CAMTA1: variants seen among roughly 807,000 people sequenced by gnomAD.
CAMTA1 encodes calmodulin-binding transcription activator 1.
A neutral mutation model predicts 170.9 loss-of-function variants in CAMTA1; 27 were observed. The observed-to-expected ratio is 0.16, with a 90% CI of 0.12 to 0.22. CAMTA1 has a LOEUF of 0.22. CAMTA1 is among the 10% of genes least tolerant of loss of function. CAMTA1 has a pLI of 1.00. For missense variants in CAMTA1, 1,619 were observed against 2,217.2 expected, an observed-to-expected ratio of 0.73 and a Z score of 5.42; for synonymous variants, 833 against 891.5, an observed-to-expected ratio of 0.93 and a Z score of 1.17.
At chr1:7,043,889 A>G (rs1246325411) in intron 3 of CAMTA1, among the ~76,000 whole-genome samples, 1 of 152,182 alleles carries the variant, frequency 6.6e-6, no homozygotes, top group Admixed American at 6.5e-5. Context: ...CGGAACACAG[A>G]GAAATTAGAG....
In CAMTA1 at chr1:7,248,515, T is replaced by C. The variant is rs1558306062; in HGVS notation, c.303-976T>C. On this transcript the variant is annotated intron_variant, in intron 4 of 22. Coordinates refer to ENST00000303635, the MANE Select transcript of CAMTA1 (RefSeq NM_015215.4). This position sits in a 1 kb window ranked among gnomAD's most constrained non-coding sequence, Gnocchi z 4.0. ...CAGCACTGCGTGGGGTGCTGCTAGA[T>C]TTTGGGGGAGTCTTCCTTGACGTTG... is the stretch of plus-strand genomic sequence containing the variant. Among the ~76,000 whole-genome samples, 1 of 152,146 alleles carries C rather than the reference T, an allele frequency of 6.6e-6. No homozygotes were observed.
intron 5 of CAMTA1, among the ~76,000 whole-genome samples, chr1:7,283,037 A>T (rs1354102193): frequency 2.0e-5 from 3 of 151,652 alleles, no homozygotes; most frequent in Non-Finnish European, 4.4e-5. Flanking sequence ...TTCAATGATA[A>T]GGAACAAGTT....
At chr1:6,987,493 G>A (rs186111083) in intron 3 of CAMTA1, among the ~76,000 whole-genome samples, 1 of 152,286 alleles carries the variant, frequency 6.6e-6, no homozygotes, top group East Asian at 1.9e-4. Flanking sequence ...TCTGGGTGGG[G>A]CTCTGGCATT....
intron 4 of CAMTA1, among the ~76,000 whole-genome samples, chr1:7,217,002 T>A (rs1659858662): frequency 6.6e-6 from 1 of 152,254 alleles, no homozygotes. Context: ...TTGCCTCATA[T>A]GTCTTTGCCA....
rs548676250 is a variant in CAMTA1, at chr1:6,857,504, T to C, written c.234+32294T>C. ...TGCAGTGAAAGTGAAGAGGTGGAGA[T>C]AGTTGCTACAGACTACTGCAGTTCT... On this transcript the variant is annotated intron_variant, in intron 3 of 22. Transcript: ENST00000303635. Among the ~76,000 whole-genome samples the C allele has an allele frequency of 6.6e-5, 10 of 152,110 alleles. 1 individual carries two copies. The South Asian group carries it at 2.1e-3, about 32-fold the overall frequency.
intron 6 of CAMTA1, among the ~76,000 whole-genome samples, chr1:7,529,842 G>T (rs894393292): frequency 6.6e-6 from 1 of 152,186 alleles, no homozygotes; most frequent in Non-Finnish European, 1.5e-5. Flanking sequence ...GATAAATGGC[G>T]ACCATGACCA....
chr1:6,813,743 TC>T (rs766750700), intron 1 of CAMTA1, among the ~76,000 whole-genome samples: 1 of 152,076 alleles, frequency 6.6e-6, no homozygotes, highest in South Asian at 2.1e-4. Context: ...CGCCTCAGCC[TC>T]CCAGGTAGCT....
chr1:7,088,746 A>G (rs1391233367), intron 3 of CAMTA1, among the ~76,000 whole-genome samples: 1 of 152,168 alleles, frequency 6.6e-6, no homozygotes, highest in Non-Finnish European at 1.5e-5. Flanking sequence ...TTCTCTCAGC[A>G]TGGTCCTGAG....
intron 6 of CAMTA1, among the ~76,000 whole-genome samples, chr1:7,551,275 G>T (rs1441592421): frequency 6.7e-6 from 1 of 148,416 alleles, no homozygotes; most frequent in Non-Finnish European, 1.5e-5. Context: ...GAGCTGCAGG[G>T]CCAAAGGACA....
At chr1:7,369,800 C>T (rs764580371) in intron 5 of CAMTA1, among the ~76,000 whole-genome samples, 5 of 152,186 alleles carry the variant, frequency 3.3e-5, no homozygotes, top group African/African-American at 9.7e-5. Context: ...GTTAGACTCT[C>T]GAGCATGGCC....
intron 22 of CAMTA1, among the ~76,000 whole-genome samples, chr1:7,760,602 G>C (rs1195580754): frequency 6.6e-6 from 1 of 152,176 alleles, no homozygotes; most frequent in Non-Finnish European, 1.5e-5. Context: ...GCCTCTTTTA[G>C]GAAATGAATA....
chr1:7,577,470 G>A (rs1352797086), intron 6 of CAMTA1, among the ~76,000 whole-genome samples: 1 of 152,106 alleles, frequency 6.6e-6, no homozygotes, highest in Non-Finnish European at 1.5e-5. Flanking sequence ...AATTTCACAG[G>A]CTCTGACCAT....
intron 3 of CAMTA1, chr1:6,834,725 C>T (rs1361902729): frequency 6.5e-6 from 1 of 154,004 alleles, no homozygotes; most frequent in Non-Finnish European, 1.4e-5. Flanking sequence ...GCAGCCTCGA[C>T]CTTCCGGGCT....
chr1:6,864,870 C>T (rs560182363), intron 3 of CAMTA1, among the ~76,000 whole-genome samples: 1 of 152,288 alleles, frequency 6.6e-6, no homozygotes, highest in Non-Finnish European at 1.5e-5. Context: ...AAGGCTGAGA[C>T]GTGCCTCGGC....
chr1:7,270,532 G>A (rs1669645183), intron 5 of CAMTA1, among the ~76,000 whole-genome samples: 1 of 151,994 alleles, frequency 6.6e-6, no homozygotes, highest in African/African-American at 2.4e-5. Context: ...CTGACCTCAG[G>A]TGATCCGCCT....
chr1:7,548,416 G>C (rs556753758), intron 6 of CAMTA1, among the ~76,000 whole-genome samples: 1 of 149,530 alleles, frequency 6.7e-6, no homozygotes, highest in Non-Finnish European at 1.5e-5. Context: ...GGAGGTGCCC[G>C]TGCAGGGTGC....
intron 4 of CAMTA1, among the ~76,000 whole-genome samples, chr1:7,220,169 C>T (rs995404362): frequency 5.3e-5 from 8 of 152,314 alleles, no homozygotes; most frequent in South Asian, 4.1e-4. Flanking sequence ...TTCAGCGCTG[C>T]GTGGCTTAGG....
At chr1:6,987,931 G>C (rs576183118) in intron 3 of CAMTA1, among the ~76,000 whole-genome samples, 1 of 152,078 alleles carries the variant, frequency 6.6e-6, no homozygotes, top group Non-Finnish European at 1.5e-5. Flanking sequence ...TGTCATCTTT[G>C]ATCTCCTCCT....
At chr1:6,881,089 G>T (rs984654076) in intron 3 of CAMTA1, among the ~76,000 whole-genome samples, 1 of 152,148 alleles carries the variant, frequency 6.6e-6, no homozygotes, top group African/African-American at 2.4e-5. Flanking sequence ...GAATTAACTT[G>T]CTCAGTGTCA....
Sources: gnomAD v4.1 joint callset for allele counts (sites outside exome capture counted in the v4.1 genomes callset) on GRCh38, gnomAD v4.1.1 for gene constraint, Gnocchi (gnomAD v3.1) non-coding constraint, MANE v1.5 for transcripts, NCBI Gene and HGNC (gene_info 2026-07-23, HGNC 2026-07-21) for gene names.